The following URI1 variants were observed in gnomAD, a reference collection of about 807,000 sequenced individuals.
The protein encoded by URI1 is URI1 prefoldin like chaperone, also known as unconventional prefoldin RPB5 interactor 1.
In URI1, 39 loss-of-function variants were observed where a neutral mutation model predicts 60.2. That is an observed-to-expected ratio of 0.65 (90% CI 0.50 to 0.85). The LOEUF (loss-of-function observed/expected upper bound fraction) is 0.85, where lower values mean the gene tolerates loss of function less well. Ranked by LOEUF, URI1 falls within the 40% of genes least tolerant of loss-of-function variation. The pLI is 0.00. For synonymous variants in URI1, 251 were observed against 236.8 expected, an observed-to-expected ratio of 1.06 and a Z score of -0.55; for missense variants, 691 against 665.9, an observed-to-expected ratio of 1.04 and a Z score of -0.42.
intron 4 of URI1, among the ~76,000 whole-genome samples, chr19:30,000,491 A>G (rs1568440875): frequency 6.6e-6 from 1 of 151,622 alleles, no homozygotes; most frequent in Admixed American, 6.6e-5. Context: ...TATCTGAATA[A>G]CTCTTATATT....
At chr19:29,958,741 C>T (rs569185153) in intron 1 of URI1, among the ~76,000 whole-genome samples, 7 of 152,040 alleles carry the variant, frequency 4.6e-5, no homozygotes, top group Admixed American at 2.0e-4. Flanking sequence ...GGGCGGATCA[C>T]GTGAGGTCAG....
In URI1 at chr19:29,942,259, C is replaced by A. The variant is rs1330515022; in HGVS notation, c.-289C>A. On this transcript the variant is annotated 5_prime_UTR_variant, in exon 1 of 11. Coordinates refer to ENST00000392271, the MANE Select transcript of URI1 (RefSeq NM_003796.3). ...GGGGCGTGTGGGGAGGCGCGGCCGCCACGCGACGCCTGGCTGGGCCCGCAC... is the reference window on the plus strand; with the variant it reads ...GGGGCGTGTGGGGAGGCGCGGCCGCAACGCGACGCCTGGCTGGGCCCGCAC... 7 of 984,534 alleles carry A rather than the reference C, an allele frequency of 7.1e-6. No homozygotes were observed. Among genetic ancestry groups the A allele is most frequent in the Admixed American group, 1.2e-4 (2 of 16,174 alleles). 61.0% of individuals were successfully genotyped at this position (984,534 alleles called of 1,614,324 possible).
chr19:29,948,391 A>G (rs2055128603), intron 1 of URI1, among the ~76,000 whole-genome samples: 1 of 152,212 alleles, frequency 6.6e-6, no homozygotes, highest in African/African-American at 2.4e-5. Flanking sequence ...TTATCAGATT[A>G]AGGAAATTTC....
rs1822744895 is a variant in URI1, at chr19:29,986,419, T to C, written c.367+2T>C. The C allele has an allele frequency of 6.2e-7, 1 of 1,604,184 alleles. No individual in the cohort carries two copies. The highest frequency in any genetic ancestry group is 8.5e-7 in the Non-Finnish European group (1 of 1,178,034). On this transcript the variant is annotated splice_donor_variant, in intron 4 of 10. Coordinates refer to ENST00000392271, the MANE Select transcript of URI1 (RefSeq NM_003796.3). LOFTEE classifies it high-confidence loss of function. ...GTTTAGTTGAGCACCGGAAAGAACGTAGGTACCCATTTTAAATGATGTTTC... is the reference window on the plus strand; with the variant it reads ...GTTTAGTTGAGCACCGGAAAGAACGCAGGTACCCATTTTAAATGATGTTTC...
At chr19:29,943,737 T>C (rs898305189) in intron 1 of URI1, among the ~76,000 whole-genome samples, 1 of 152,148 alleles carries the variant, frequency 6.6e-6, no homozygotes, top group African/African-American at 2.4e-5. Flanking sequence ...TTCTTTGTTC[T>C]GGTTGGTTTA....
At chr19:29,968,565 C>CTTTTTTTTTTTTTTT (rs35475321) in intron 1 of URI1, among the ~76,000 whole-genome samples, 1 of 74,428 alleles carries the variant, frequency 1.3e-5, no homozygotes, top group Non-Finnish European at 2.4e-5. Flanking sequence ...CTAATTTTTT[C>CTTTTTTTTTTTTTTT]TTTTTTTTTT....
rs2056015995 is a variant in URI1 at position 30,011,291 on chromosome 19, C to T, written c.1178+55C>T. 2.6e-6 allele frequency: 4 copies of T among 1,536,862 alleles called. No individual in the cohort carries two copies. The South Asian group carries it at 3.8e-5, about 15-fold the overall frequency. ...CTGCTGGGCTTGCCTCTCTTTCTGC[C>T]ACTGAACCTTTACTGGAGAAAGTTG... On this transcript the variant is annotated intron_variant, in intron 9 of 10. Coordinates refer to ENST00000392271, the MANE Select transcript of URI1 (RefSeq NM_003796.3).
At chr19:29,971,796 G>A (rs1010422520) in intron 2 of URI1, among the ~76,000 whole-genome samples, 7 of 151,720 alleles carry the variant, frequency 4.6e-5, no homozygotes, top group Admixed American at 1.3e-4. Flanking sequence ...TGAGGAAAAT[G>A]CTCGATTTAA....
chr19:29,942,670 T>C lies in URI1; in HGVS notation c.117+6T>C. 1.5e-6 allele frequency: 2 copies of C among 1,345,794 alleles called. No homozygotes were observed. The highest frequency in any genetic ancestry group is 3.1e-5 in the African/African-American group (2 of 65,300). 83.4% of individuals were successfully genotyped at this position (1,345,794 alleles called of 1,614,324 possible). ...TGCGCGAGGAGCAGGAAAAGGTAAC[T>C]AGCAGCCCCGCGCCGCTTCCGCCTC... On this transcript the variant is annotated splice_donor_region_variant and intron_variant, in intron 1 of 10. Transcript: ENST00000392271.
At chr19:29,984,464 C>A (rs2055637017) in intron 2 of URI1, among the ~76,000 whole-genome samples, 1 of 152,004 alleles carries the variant, frequency 6.6e-6, no homozygotes, top group Admixed American at 6.6e-5. Context: ...CATCTTGAGT[C>A]CCTTCTTCTC....
At chr19:29,927,854 C>T (rs906705578) in intron 1 of URI1, among the ~76,000 whole-genome samples, 7 of 151,860 alleles carry the variant, frequency 4.6e-5, no homozygotes, top group Admixed American at 6.6e-5. Flanking sequence ...TGGGATTAGG[C>T]GTGACCTACG....
upstream of URI1, among the ~76,000 whole-genome samples, chr19:29,940,519 C>T (rs192499115): frequency 3.0e-4 from 45 of 152,048 alleles, 1 homozygote; most frequent in East Asian, 6.8e-3. Context: ...TGTGGTGGCA[C>T]GCGCCTGTAG....
chr19:29,944,193 A>ATATATATATATATATATAT (rs2055074692), intron 1 of URI1, among the ~76,000 whole-genome samples: 6 of 116,822 alleles, frequency 5.1e-5, no homozygotes, highest in Non-Finnish European at 9.0e-5. Flanking sequence ...ATATATATAT[A>ATATATATATATATATATAT]AAACTTAACT....
intron 4 of URI1, among the ~76,000 whole-genome samples, chr19:30,002,215 C>T (rs2055887344): frequency 6.6e-6 from 1 of 151,998 alleles, no homozygotes; most frequent in Admixed American, 6.6e-5. Flanking sequence ...ATTTTTATTA[C>T]ATCTGCATTT....
At chr19:29,964,973 T>C (rs2055374847) in intron 1 of URI1, among the ~76,000 whole-genome samples, 1 of 152,252 alleles carries the variant, frequency 6.6e-6, no homozygotes, top group Middle Eastern at 3.4e-3. Flanking sequence ...ACTCTAAAGT[T>C]TTCTTAGTTG....
chr19:29,947,158 C>G (rs148959356), intron 1 of URI1, among the ~76,000 whole-genome samples: 65 of 152,220 alleles, frequency 4.3e-4, no homozygotes, highest in East Asian at 3.9e-3. Flanking sequence ...AGTACCAGAT[C>G]ATTGTAAGAG....
Position 30,015,474 on chromosome 19 carries a change from A to C in URI1, c.*405A>C. The C allele has an allele frequency of 1.3e-6, 2 of 1,521,848 alleles. No individual in the cohort carries two copies. The highest frequency in any genetic ancestry group is 2.1e-5 in the Admixed American group (1 of 47,066). The allele number at this position is 1,521,848 out of a possible 1,614,324, so 94.3% of individuals were successfully genotyped here. On this transcript the variant is annotated 3_prime_UTR_variant, in exon 11 of 11. Coordinates refer to ENST00000392271, the MANE Select transcript of URI1 (RefSeq NM_003796.3). ...AATTTTAAAATTTCAAATAGATTCA[A>C]CAATTACATTACTTGCTTTCACATT...
At chr19:29,936,993 C>T (rs1477735051) in intron 1 of URI1, among the ~76,000 whole-genome samples, 1 of 152,168 alleles carries the variant, frequency 6.6e-6, no homozygotes, top group Non-Finnish European at 1.5e-5. Flanking sequence ...TTCAAGTGAT[C>T]CACCCTCCTC....
At chr19:29,982,070 A>G (rs2055605472) in intron 2 of URI1, among the ~76,000 whole-genome samples, 1 of 152,210 alleles carries the variant, frequency 6.6e-6, no homozygotes, top group Non-Finnish European at 1.5e-5. Context: ...ATTTCCACGA[A>G]TGTAGCCTTT....
Sources: allele counts gnomAD v4.1 joint callset (sites outside exome capture counted in the v4.1 genomes callset), GRCh38; gene constraint gnomAD v4.1.1; transcripts MANE v1.5; gene names NCBI Gene and HGNC (gene_info 2026-07-23, HGNC 2026-07-21).